Variants in ROBO2 observed in about 807,000 individuals in gnomAD.
The protein encoded by ROBO2 is roundabout homolog 2.
A neutral mutation model predicts 160.8 loss-of-function variants in ROBO2; 53 were observed. That is an observed-to-expected ratio of 0.33 (90% confidence interval 0.26 to 0.41). The LOEUF is 0.41. ROBO2 is among the 10% of genes least tolerant of loss of function. The probability of loss-of-function intolerance (pLI) is 1.00; values close to 1 mark genes in which losing one functional copy is unlikely to be tolerated. For missense variants in ROBO2, 1,577 were observed against 1,722.4 expected, an observed-to-expected ratio of 0.92 and a Z score of 1.49; for synonymous variants, 664 against 611.7, an observed-to-expected ratio of 1.09 and a Z score of -1.26.
intron 2 of ROBO2, among the ~76,000 whole-genome samples, chr3:76,330,579 G>A (rs1170879734): frequency 3.3e-5 from 5 of 152,096 alleles, no homozygotes; most frequent in Non-Finnish European, 7.4e-5. Flanking sequence ...GAATCTAAAT[G>A]CAATCCTCAT....
At chr3:77,588,821 G>T in exon 17 of ROBO2, 1 of 1,613,602 alleles carries the variant, frequency 6.2e-7, no homozygotes, top group Non-Finnish European at 8.5e-7. Flanking sequence ...ATGTGGTGAA[G>T]CAACCAGCCT....
intron 2 of ROBO2, among the ~76,000 whole-genome samples, chr3:77,023,933 C>T (rs115323495): frequency 0.017 from 2,523 of 152,196 alleles, 85 homozygotes; most frequent in African/African-American, 0.057. Context: ...AAATTCAGAA[C>T]ATATACAGTA....
At chr3:76,763,971 A>G (rs1398403185) in intron 2 of ROBO2, among the ~76,000 whole-genome samples, 1 of 151,776 alleles carries the variant, frequency 6.6e-6, no homozygotes, top group African/African-American at 2.4e-5. Context: ...TATAAACAAA[A>G]TCCTGCATAT....
intron 2 of ROBO2, among the ~76,000 whole-genome samples, chr3:76,068,207 G>A (rs1220081422): frequency 2.6e-5 from 4 of 152,156 alleles, no homozygotes; most frequent in Non-Finnish European, 4.4e-5. Context: ...TGTCTGGTGT[G>A]TTTGAGGGAG....
intron 2 of ROBO2, among the ~76,000 whole-genome samples, chr3:76,316,169 T>A (rs560019333): frequency 6.6e-6 from 1 of 152,148 alleles, no homozygotes. Context: ...GGAAACAGGG[T>A]TCGAGAGCAG....
chr3:77,017,523 T>G (rs772839732), intron 2 of ROBO2, among the ~76,000 whole-genome samples: 2 of 152,164 alleles, frequency 1.3e-5, no homozygotes, highest in African/African-American at 4.8e-5. Context: ...GCTGCTTAAG[T>G]TGAGATAATT....
At chr3:76,403,054 C>T (rs957539582) in intron 2 of ROBO2, among the ~76,000 whole-genome samples, 10 of 151,560 alleles carry the variant, frequency 6.6e-5, no homozygotes, top group South Asian at 4.2e-4. Flanking sequence ...TGCTTTGGTG[C>T]GTGATTCATT....
intron 2 of ROBO2, among the ~76,000 whole-genome samples, chr3:77,023,319 C>G (rs1340979425): frequency 3.3e-5 from 5 of 152,092 alleles, no homozygotes; most frequent in Non-Finnish European, 5.9e-5. Flanking sequence ...ACTGTAAGTT[C>G]AATTAAACGT....
At chr3:76,442,462 T>C (rs971942967) in intron 2 of ROBO2, among the ~76,000 whole-genome samples, 14 of 152,156 alleles carry the variant, frequency 9.2e-5, no homozygotes, top group Admixed American at 2.0e-4. Context: ...TTAATGGAGA[T>C]GGCTCTTTAC....
At chr3:76,830,835 T>A (rs2067025433) in intron 2 of ROBO2, among the ~76,000 whole-genome samples, 1 of 148,980 alleles carries the variant, frequency 6.7e-6, no homozygotes, top group Non-Finnish European at 1.5e-5. Flanking sequence ...AAAAAGTTCT[T>A]TTAATTAGCA....
chr3:75,907,466 G>T (rs2106686560), intron 1 of ROBO2, among the ~76,000 whole-genome samples: 1 of 152,180 alleles, frequency 6.6e-6, no homozygotes, highest in African/African-American at 2.4e-5. Context: ...AGTAACTTCA[G>T]GTTCCTTTGC....
At chr3:76,032,193 G>A (rs1418688662) in intron 2 of ROBO2, among the ~76,000 whole-genome samples, 2 of 151,898 alleles carry the variant, frequency 1.3e-5, no homozygotes, top group Non-Finnish European at 2.9e-5. Flanking sequence ...CTGTGGGATC[G>A]GTGGTGATAT....
At chr3:77,217,335 G>A (rs2085112066) in intron 2 of ROBO2, among the ~76,000 whole-genome samples, 1 of 152,028 alleles carries the variant, frequency 6.6e-6, no homozygotes, top group African/African-American at 2.4e-5. Flanking sequence ...TAGAGATGGG[G>A]TTTCACCATG....
chr3:77,031,362 T>C (rs1389483065), intron 2 of ROBO2, among the ~76,000 whole-genome samples: 2 of 151,136 alleles, frequency 1.3e-5, no homozygotes, highest in Non-Finnish European at 2.9e-5. Flanking sequence ...CACACTTTTC[T>C]CTTTTTTCAT....
At chr3:76,048,989 A>G (rs1437547803) in intron 2 of ROBO2, among the ~76,000 whole-genome samples, 1 of 152,306 alleles carries the variant, frequency 6.6e-6, no homozygotes, top group East Asian at 1.9e-4. Flanking sequence ...GCTAAACAAC[A>G]TATTAGAGGC....
chr3:77,380,783 A>G (rs1053591308), intron 2 of ROBO2, among the ~76,000 whole-genome samples: 1 of 149,544 alleles, frequency 6.7e-6, no homozygotes, highest in African/African-American at 2.5e-5. Context: ...GTTAATCTGT[A>G]TAAAGATGAA....
At chr3:76,629,729 T>A (rs751142546) in intron 2 of ROBO2, among the ~76,000 whole-genome samples, 2 of 152,182 alleles carry the variant, frequency 1.3e-5, no homozygotes, top group African/African-American at 2.4e-5. Flanking sequence ...TGACACTCAA[T>A]ATTAACCATC....
At chr3:76,853,090 A>G (rs2069589271) in intron 2 of ROBO2, among the ~76,000 whole-genome samples, 1 of 152,096 alleles carries the variant, frequency 6.6e-6, no homozygotes. Context: ...TCTGAAAATT[A>G]CATACAAGTA....
In ROBO2 at chr3:77,292,997, C is replaced by T. The variant is rs538606714; in HGVS notation, c.389-184417C>T. Among the ~76,000 whole-genome samples the T allele has an allele frequency of 6.2e-5, 9 of 144,730 alleles. No homozygotes were observed. In the East Asian group the frequency reaches 1.5e-3, roughly 24 times the overall value. 94.9% of individuals were successfully genotyped at this position (144,730 alleles called of 152,430 possible). On this transcript the variant is annotated intron_variant, in intron 2 of 25. Coordinates refer to ENST00000461745, the Ensembl canonical transcript of ROBO2. ...ACATTAAGTAAAATTGACGGTTAAA[C>T]GGGTAAGCTGAGGCTAGATCACCAA...
Sources: gnomAD v4.1 joint callset for allele counts (sites outside exome capture counted in the v4.1 genomes callset) on GRCh38, gnomAD v4.1.1 for gene constraint, MANE v1.5 for transcripts, NCBI Gene and HGNC (gene_info 2026-07-23, HGNC 2026-07-21) for gene names.